The following NR2F1-AS1 variants were observed in gnomAD, a reference collection of about 807,000 sequenced individuals.
NR2F1-AS1 encodes the protein NR2F1 regulatory antisense RNA 1.
intron 4 of NR2F1-AS1, among the ~76,000 whole-genome samples, chr5:93,436,429 C>G (rs1749432005): frequency 6.6e-6 from 1 of 152,076 alleles, no homozygotes; most frequent in South Asian, 2.1e-4. Flanking sequence ...CTGAGTTTAC[C>G]CAAAGCAAAC....
intron 4 of NR2F1-AS1, chr5:93,411,048 G>A (rs977726460): frequency 6.6e-6 from 1 of 152,010 alleles, no homozygotes; most frequent in Admixed American, 6.6e-5. Context: ...TATTGTCTTG[G>A]GGATACACCT....
intron 4 of NR2F1-AS1, among the ~76,000 whole-genome samples, chr5:93,413,054 T>G (rs969183354): frequency 7.0e-6 from 1 of 142,942 alleles, no homozygotes; most frequent in Admixed American, 7.2e-5. Flanking sequence ...AGACAAATTA[T>G]AGCACTATGG....
intron 4 of NR2F1-AS1, chr5:93,423,068 A>G (rs1290608106): frequency 6.6e-6 from 1 of 152,190 alleles, no homozygotes; most frequent in East Asian, 1.9e-4. Context: ...ATACTTGGAC[A>G]GAAGGGGCAC....
intron 4 of NR2F1-AS1, among the ~76,000 whole-genome samples, chr5:93,501,440 G>T (rs961676387): frequency 2.0e-5 from 3 of 149,590 alleles, no homozygotes; most frequent in Non-Finnish European, 4.4e-5. Flanking sequence ...AGCAACCTCC[G>T]TGTCCTGGGT....
chr5:93,493,214 C>A (rs1335274540), intron 4 of NR2F1-AS1, among the ~76,000 whole-genome samples: 1 of 151,980 alleles, frequency 6.6e-6, no homozygotes, highest in Non-Finnish European at 1.5e-5. Context: ...AAGATCAACA[C>A]ACAAAAATCA....
chr5:93,492,773 G>A (rs1432109289), intron 4 of NR2F1-AS1, among the ~76,000 whole-genome samples: 2 of 151,918 alleles, frequency 1.3e-5, no homozygotes, highest in Non-Finnish European at 2.9e-5. Flanking sequence ...TTAAGGGGAT[G>A]GAGTAACATA....
At chr5:93,500,024 G>A (rs534197541) in intron 4 of NR2F1-AS1, among the ~76,000 whole-genome samples, 6 of 152,294 alleles carry the variant, frequency 3.9e-5, no homozygotes, top group African/African-American at 1.4e-4. Flanking sequence ...GAGGTTTAAC[G>A]AAAGAAGCCA....
At chr5:93,462,801 G>C (rs1750126523) in intron 4 of NR2F1-AS1, among the ~76,000 whole-genome samples, 1 of 152,154 alleles carries the variant, frequency 6.6e-6, no homozygotes, top group African/African-American at 2.4e-5. Context: ...CACCAGATTT[G>C]TAGAACTTTG....
At chr5:93,495,387 A>T (rs1375890045) in intron 4 of NR2F1-AS1, among the ~76,000 whole-genome samples, 6 of 152,146 alleles carry the variant, frequency 3.9e-5, no homozygotes, top group Admixed American at 3.3e-4. Context: ...CAAATCTAGC[A>T]TTAAATTACA....
At chr5:93,462,877 G>A (rs1449114853) in intron 4 of NR2F1-AS1, among the ~76,000 whole-genome samples, 1 of 152,172 alleles carries the variant, frequency 6.6e-6, no homozygotes, top group African/African-American at 2.4e-5. Context: ...CATTCTAAAG[G>A]TGACTTCGGT....
At chr5:93,458,477 C>T (rs1475406045) in intron 4 of NR2F1-AS1, among the ~76,000 whole-genome samples, 2 of 151,886 alleles carry the variant, frequency 1.3e-5, no homozygotes, top group Non-Finnish European at 2.9e-5. Context: ...AGACATCCAC[C>T]TTTTATAGTG....
At chr5:93,573,421 G>T (rs1485918013) in intron 1 of NR2F1-AS1, among the ~76,000 whole-genome samples, 1 of 152,142 alleles carries the variant, frequency 6.6e-6, no homozygotes, top group African/African-American at 2.4e-5. Flanking sequence ...GCCCAGATGC[G>T]CCTTTCCACC....
intron 4 of NR2F1-AS1, among the ~76,000 whole-genome samples, chr5:93,513,996 T>C (rs1418893233): frequency 6.6e-6 from 1 of 152,084 alleles, no homozygotes; most frequent in Non-Finnish European, 1.5e-5. Flanking sequence ...TTAATTCTAA[T>C]TACAATAGTT....
At chr5:93,481,366 T>G (rs751876290) in intron 4 of NR2F1-AS1, among the ~76,000 whole-genome samples, 3 of 152,032 alleles carry the variant, frequency 2.0e-5, no homozygotes, top group Non-Finnish European at 4.4e-5. Flanking sequence ...CCTGAGAATA[T>G]ATAAAGTAAA....
At chr5:93,585,122 C>A, upstream of NR2F1-AS1, 2 of 1,003,612 alleles carry the variant, frequency 2.0e-6, no homozygotes, top group South Asian at 9.0e-5. Context: ...CCCGCGGCGG[C>A]GGCGGCGGCG....
At chr5:93,494,387 A>G (rs1750916405) in intron 4 of NR2F1-AS1, among the ~76,000 whole-genome samples, 1 of 152,162 alleles carries the variant, frequency 6.6e-6, no homozygotes, top group Non-Finnish European at 1.5e-5. Flanking sequence ...TCTGAGCACT[A>G]TTGGGAGGGC....
chr5:93,507,889 T>C (rs1341941970), intron 4 of NR2F1-AS1, among the ~76,000 whole-genome samples: 2 of 152,054 alleles, frequency 1.3e-5, no homozygotes, highest in African/African-American at 4.8e-5. Flanking sequence ...AACAAAATCA[T>C]AATGTACCTA....
chr5:93,498,887 T>C (rs1488468933), intron 4 of NR2F1-AS1, among the ~76,000 whole-genome samples: 1 of 152,182 alleles, frequency 6.6e-6, no homozygotes, highest in Non-Finnish European at 1.5e-5. Flanking sequence ...ATATTCACCA[T>C]AATGTTGTCT....
At chr5:93,411,743 TC>T (rs3217682) in intron 4 of NR2F1-AS1, among the ~76,000 whole-genome samples, 41,812 of 151,766 alleles carry the variant, frequency 0.28, 7,218 homozygotes, top group Non-Finnish European at 0.38. Flanking sequence ...ATCAGAAATA[TC>T]ACATACCTGC....
Sources: allele counts gnomAD v4.1 joint callset (sites outside exome capture counted in the v4.1 genomes callset), GRCh38; gene constraint gnomAD v4.1.1; transcripts MANE v1.5; gene names NCBI Gene and HGNC (gene_info 2026-07-23, HGNC 2026-07-21).